Variants in SAFB observed in about 807,000 individuals in gnomAD.
SAFB encodes scaffold attachment factor B1.
A neutral mutation model predicts 101.6 loss-of-function variants in SAFB; 15 were observed. The observed-to-expected ratio is 0.15, with a 90% CI of 0.10 to 0.23. SAFB has a LOEUF of 0.23. SAFB is among the 10% of genes least tolerant of loss of function. SAFB has a pLI of 1.00. For missense variants in SAFB, 930 were observed against 1,104.1 expected (o/e 0.84, Z 2.23); for synonymous variants, 449 against 407.5 (o/e 1.10, Z -1.23).
At position 5,645,396 on chromosome 19, in the gene SAFB, A is replaced by T. The variant is rs1280996646; in HGVS notation, c.606A>T (p.Leu202Phe). 7 of 1,346,486 alleles carry T rather than the reference A, an allele frequency of 5.2e-6. No individual in the cohort carries two copies. The highest frequency in any genetic ancestry group is 7.5e-6 in the Non-Finnish European group (7 of 937,810). The allele number at this position is 1,346,486 out of a possible 1,614,324, so 83.4% of individuals were successfully genotyped here. ...LDTSSSDFTILQEIEEPSLEP... is the reference protein window; with the variant it reads ...LDTSSSDFTIFQEIEEPSLEP... ...CTTCATCATCTGACTTCACTATATT[A>T]CAGGTAAACTGTTGTATGTCTCAGT... The change falls in exon 5 of 21, where the codon TTA becomes TTT. Residue 202 changes from leucine to phenylalanine, a missense_variant. By Grantham distance (22) the Leu-to-Phe change is conservative. This residue lies in a region of SAFB where 130 missense variants were observed against 114.2 expected (regional missense o/e 1.14). Transcript: ENST00000588852.
At chr19:5,653,513 C>G (rs1180935896) in intron 11 of SAFB, 93 bp downstream of exon 11, 1 of 1,106,022 alleles carries the variant, frequency 9.0e-7, no homozygotes, top group Non-Finnish European at 1.3e-6. Flanking sequence ...GTCGCCCAGA[C>G]TGGAGTGCAG....
intron 17 of SAFB, chr19:5,666,107 C>G (rs1007330290): frequency 6.6e-6 from 1 of 152,176 alleles, no homozygotes; most frequent in Admixed American, 6.5e-5. Flanking sequence ...AGTTTCCTTT[C>G]ACCTACAATG....
At chr19:5,657,505 C>T (rs1316690994) in intron 14 of SAFB, among the ~76,000 whole-genome samples, 158 bp downstream of exon 14, 5 of 152,172 alleles carry the variant, frequency 3.3e-5, no homozygotes, top group Non-Finnish European at 7.4e-5. Context: ...TTTTAACTTT[C>T]ATCCTACGGC....
At position 5,655,563 on chromosome 19, in the gene SAFB, A is replaced by C. The variant is rs140116484; in HGVS notation, c.1755+1107A>C. On this transcript the variant is annotated intron_variant, in intron 13 of 20. Coordinates refer to ENST00000588852, the MANE Select transcript of SAFB (RefSeq NM_001201338.2). Reference sequence around the variant, plus strand: ...TCAACTGGGGACACTCTGAGAGCCAACTTCCCAGTTGCCAGCCAAGGACCA... The same window carrying C: ...TCAACTGGGGACACTCTGAGAGCCACCTTCCCAGTTGCCAGCCAAGGACCA... Among the ~76,000 whole-genome samples the C allele has an allele frequency of 5.4e-3, 815 of 152,010 alleles. 6 individuals are homozygous for C. The highest frequency in any genetic ancestry group is 0.019 in the African/African-American group (792 of 41,448).
At chr19:5,644,250 C>T (rs2145435792) in intron 4 of SAFB, among the ~76,000 whole-genome samples, 1 of 152,246 alleles carries the variant, frequency 6.6e-6, no homozygotes, top group South Asian at 2.1e-4. Context: ...TAGGCAGCTC[C>T]AACAAAGTGT....
In SAFB at chr19:5,661,581, T is replaced by C. The variant is rs2054204483; in HGVS notation, c.1926T>C (p.Arg642=). The C allele has an allele frequency of 6.2e-7, 1 of 1,612,560 alleles. No individual in the cohort carries two copies. The highest frequency in any genetic ancestry group is 8.5e-7 in the Non-Finnish European group (1 of 1,179,728). The change falls in exon 15 of 21, where the codon CGT becomes CGC. Residue 642 remains arginine, a synonymous_variant. Coordinates refer to ENST00000588852, the MANE Select transcript of SAFB (RefSeq NM_001201338.2). ...RMQAQWEREE[R]ERLEIARERL... ...AGGCGCAGTGGGAGCGCGAGGAGCG[T>C]GAGCGGCTGGAGATTGCCCGAGAGA...
In SAFB at chr19:5,623,122, G is replaced by A. The variant is rs555119512; in HGVS notation, c.-84G>A. On this transcript the variant is annotated 5_prime_UTR_variant, in exon 1 of 21. Transcript: ENST00000588852. ...CTGGGGCGACTGGAGCGGTTCCCTC[G>A]CAGGCGGCGCCATTTTGTGCTAGGA... is the stretch of plus-strand genomic sequence containing the variant. The A allele has an allele frequency of 2.0e-4, 273 of 1,371,812 alleles. No individual in the cohort carries two copies. The highest frequency in any genetic ancestry group is 2.7e-4 in the Non-Finnish European group (267 of 1,002,294). 85.0% of individuals were successfully genotyped at this position (1,371,812 alleles called of 1,614,324 possible).
chr19:5,637,676 T>C (rs1241183755), intron 2 of SAFB, among the ~76,000 whole-genome samples: 2 of 151,962 alleles, frequency 1.3e-5, no homozygotes, highest in Non-Finnish European at 2.9e-5. Context: ...CAAAAAAAAA[T>C]AGACTATTCT....
At position 5,625,593 on chromosome 19, in the gene SAFB, A is replaced by G. The variant is rs113297840; in HGVS notation, c.190-812A>G. 3.1e-4 allele frequency among the ~76,000 whole-genome samples: 47 copies of G among 152,382 alleles called. 2 individuals carry two copies. The highest frequency in any genetic ancestry group is 3.4e-3 in the Middle Eastern group (1 of 294). ...AGTAAAGACTGGAAAAGTTATCAGT[A>G]AAACTTGACCTGAAGCTAAGTTTCT... On this transcript the variant is annotated intron_variant, in intron 1 of 20. Coordinates refer to ENST00000588852, the MANE Select transcript of SAFB (RefSeq NM_001201338.2).
chr19:5,667,743 G>C lies in SAFB; in HGVS notation c.2558-77G>C, dbSNP rs2054366177. The stretch of plus-strand genomic sequence containing the variant: ...GTACCTGGGGGCCTCACCAAAGGGA[G>C]TGGAGTGGGCTAAATGTGCCGTGGG... On this transcript the variant is annotated intron_variant, in intron 19 of 20. Transcript: ENST00000588852. The surrounding 1 kb of genome is among the most constrained non-coding windows in gnomAD (Gnocchi z 4.0). 6.9e-7 allele frequency: 1 copy of C among 1,454,130 alleles called. No homozygotes were observed. The highest frequency in any genetic ancestry group is 9.6e-7 in the Non-Finnish European group (1 of 1,040,782). 90.1% of individuals were successfully genotyped at this position (1,454,130 alleles called of 1,614,324 possible). A position where few individuals can be genotyped will look rare whatever the true frequency, so the allele number is the denominator to read the frequency against.
At chr19:5,663,955 C>G (rs879814335) in intron 15 of SAFB, 67 bp from the exon 16 acceptor site, 4 of 1,540,914 alleles carry the variant, frequency 2.6e-6, no homozygotes, top group East Asian at 2.3e-5. Flanking sequence ...GGGGCCAGCT[C>G]CCACAAAGGT....
At chr19:5,657,860 A>G (rs759796818) in intron 14 of SAFB, among the ~76,000 whole-genome samples, 8 of 152,126 alleles carry the variant, frequency 5.3e-5, no homozygotes, top group Non-Finnish European at 1.0e-4. Flanking sequence ...CTCTTCCCAA[A>G]GATTGTAGAA....
chr19:5,663,860 T>C (rs2054269974), intron 15 of SAFB, among the ~76,000 whole-genome samples, 162 bp from the exon 16 acceptor site: 1 of 152,178 alleles, frequency 6.6e-6, no homozygotes, highest in African/African-American at 2.4e-5. Context: ...AAAACAACTG[T>C]GCAGTCACTG....
In SAFB at chr19:5,641,928, G is replaced by A; in HGVS notation, c.528G>A (p.Glu176=). Residue 176 remains glutamate, a synonymous_variant, in exon 4 of 21, where the codon GAG becomes GAA. Transcript: ENST00000588852. ...LVEGEMKELP[E]QLQEHAIEDK... is the part of the protein sequence containing the mutation. ...AGGGGGAAATGAAAGAGCTTCCGGA[G>A]CAGCTTCAGGAACATGCTGTAGGTA... 6.2e-7 allele frequency: 1 copy of A among 1,614,096 alleles called. No homozygotes were observed. The highest frequency in any genetic ancestry group is 8.5e-7 in the Non-Finnish European group (1 of 1,179,940).
intron 2 of SAFB, among the ~76,000 whole-genome samples, chr19:5,640,226 G>A (rs545114327): frequency 1.1e-4 from 16 of 152,264 alleles, no homozygotes; most frequent in African/African-American, 3.9e-4. Flanking sequence ...ACAACAAAAA[G>A]CAAATGATTC....
chr19:5,650,031 G>A (rs1011096240), intron 8 of SAFB, 56 bp downstream of exon 8: 15 of 1,395,396 alleles, frequency 1.1e-5, no homozygotes, highest in South Asian at 2.3e-5. Context: ...GGGCAGTGGC[G>A]GGTATTTGAT....
intron 4 of SAFB, among the ~76,000 whole-genome samples, chr19:5,643,164 T>A (rs1403101916): frequency 5.9e-5 from 9 of 152,202 alleles, no homozygotes; most frequent in Non-Finnish European, 2.9e-5. Context: ...ATTAATTTGA[T>A]ATTAATTTCA....
At chr19:5,648,746 G>T (rs1393837764) in intron 6 of SAFB, 6 of 683,118 alleles carry the variant, frequency 8.8e-6, no homozygotes, top group Non-Finnish European at 1.6e-5. Context: ...CAGCCAGAAG[G>T]TTTTGGGGGT....
At chr19:5,651,115 C>A in intron 9 of SAFB, 43 bp downstream of exon 9, 1 of 1,284,600 alleles carries the variant, frequency 7.8e-7, no homozygotes, top group Non-Finnish European at 1.1e-6. Context: ...TTGAAACCAG[C>A]GTTGTGTGGC....
Sources: gnomAD v4.1 joint callset for allele counts (sites outside exome capture counted in the v4.1 genomes callset) on GRCh38, gnomAD v4.1.1 for gene constraint, gnomAD v4.1.1 regional missense constraint, Gnocchi (gnomAD v3.1) non-coding constraint, MANE v1.5 for transcripts, NCBI Gene and HGNC (gene_info 2026-07-23, HGNC 2026-07-21) for gene names.